PMS1: variants seen among roughly 807,000 people sequenced by gnomAD.
PMS1 encodes the protein PMS1 protein homolog 1.
In PMS1, 79 loss-of-function variants were observed where a neutral mutation model predicts 93.1. The observed-to-expected ratio is 0.85, with a 90% confidence interval of 0.71 to 1.02. PMS1 has a LOEUF of 1.02. Ranked by LOEUF, PMS1 falls within the 50% of genes least tolerant of loss-of-function variation. The pLI is 0.00. For missense variants in PMS1, 1,064 were observed against 1,085.3 expected (o/e 0.98, Z 0.28); for synonymous variants, 335 against 363.4 (o/e 0.92, Z 0.89).
intron 4 of PMS1, among the ~76,000 whole-genome samples, chr2:189,810,947 C>T (rs1376782375): frequency 6.7e-6 from 1 of 148,680 alleles, no homozygotes; most frequent in African/African-American, 2.5e-5. Flanking sequence ...TGTAAATAAA[C>T]TCATCAATAA....
Position 189,854,532 on chromosome 2 carries a change from T to A in PMS1, c.1260T>A (p.His420Gln). 6.2e-7 allele frequency: 1 copy of A among 1,613,618 alleles called. No homozygotes were observed. The highest frequency in any genetic ancestry group is 8.5e-7 in the Non-Finnish European group (1 of 1,179,714). The part of the protein sequence containing the change: ...QISIGDFGYG[H>Q]CSSEISNIDK... ...GTATTGGTGACTTTGGTTATGGTCATTGTAGTAGTGAAATTTCTAACATTG... is the reference window on the plus strand; with the variant it reads ...GTATTGGTGACTTTGGTTATGGTCAATGTAGTAGTGAAATTTCTAACATTG... Residue 420 changes from histidine to glutamine, a missense_variant, in exon 9 of 13, where the codon CAT (histidine) becomes CAA (glutamine). Coordinates refer to ENST00000441310, the MANE Select transcript of PMS1 (RefSeq NM_000534.5).
At chr2:189,808,283 T>G (rs774138522) in intron 4 of PMS1, among the ~76,000 whole-genome samples, 1 of 152,122 alleles carries the variant, frequency 6.6e-6, no homozygotes, top group Non-Finnish European at 1.5e-5. Flanking sequence ...ATAATTTTAT[T>G]TAGGCATTGG....
chr2:189,864,380 G>A (rs150179885), intron 10 of PMS1, 152 bp downstream of exon 10: 24,809 of 657,798 alleles, frequency 0.038, 638 homozygotes, highest in Non-Finnish European at 0.049. Context: ...TTTCTAGGCC[G>A]GGCGCAGTGG....
At chr2:189,825,627 T>G (rs557930965) in intron 5 of PMS1, among the ~76,000 whole-genome samples, 63 of 152,320 alleles carry the variant, frequency 4.1e-4, no homozygotes, top group Non-Finnish European at 8.1e-4. Context: ...TCCAAAAATA[T>G]TATTTGTGGT....
At chr2:189,790,975 G>C (rs2048811162) in intron 1 of PMS1, among the ~76,000 whole-genome samples, 1 of 152,114 alleles carries the variant, frequency 6.6e-6, no homozygotes. Context: ...TGGAAATACA[G>C]AGTTCGAGTT....
chr2:189,830,563 C>A (rs1259094411), intron 5 of PMS1, among the ~76,000 whole-genome samples: 1 of 152,070 alleles, frequency 6.6e-6, no homozygotes, highest in Non-Finnish European at 1.5e-5. Flanking sequence ...TTTTATTTGT[C>A]TTGATTTATT....
intron 4 of PMS1, among the ~76,000 whole-genome samples, chr2:189,815,587 G>A (rs2051228619): frequency 6.6e-6 from 1 of 152,280 alleles, no homozygotes; most frequent in East Asian, 1.9e-4. Context: ...CTTCCGCCAT[G>A]AATGTGAATT....
At chr2:189,870,318 TGA>T (rs1300449289) in intron 11 of PMS1, among the ~76,000 whole-genome samples, 2 of 152,206 alleles carry the variant, frequency 1.3e-5, no homozygotes, top group Admixed American at 6.5e-5. Flanking sequence ...CATCTGGCTT[TGA>T]GAGAGAAGAT....
chr2:189,795,858 C>T lies in PMS1; in HGVS notation c.222C>T (p.Tyr74=), dbSNP rs751153318. The stretch of plus-strand genomic sequence containing the variant: ...CACCTGTAATGGCAATGAAGTACTA[C>T]ACCTCAAAAATAAATAGTCATGAAG... ...VDAPVMAMKY[Y]TSKINSHEDL... is the part of the protein sequence containing the mutation. Residue 74 remains tyrosine (Y), a synonymous_variant, in exon 3 of 13, where the codon TAC becomes TAT. Transcript: ENST00000441310. The T allele has an allele frequency of 1.3e-5, 21 of 1,612,408 alleles. No individual in the cohort carries two copies. In the South Asian group the frequency reaches 2.1e-4, roughly 16 times the overall value.
In PMS1 at chr2:189,854,310, T is replaced by C. The variant is rs780499163; in HGVS notation, c.1038T>C (p.Tyr346=). 5 of 1,593,458 alleles carry C rather than the reference T, an allele frequency of 3.1e-6. No homozygotes were observed. In the Admixed American group the frequency reaches 7.1e-5, roughly 23 times the overall value. The change falls in exon 9 of 13, where the codon TAT becomes TAC. Residue 346 remains tyrosine, a synonymous_variant. Transcript: ENST00000441310. ...CYGPLPSTNS[Y]ENNKTDVSAA... ...GACCATTACCTAGTACAAATTCTTATGAAAATAATAAAACAGATGTTTCCG... is the reference window on the plus strand; with the variant it reads ...GACCATTACCTAGTACAAATTCTTACGAAAATAATAAAACAGATGTTTCCG...
chr2:189,787,883 G>T (rs995975100), intron 1 of PMS1, among the ~76,000 whole-genome samples: 10 of 152,150 alleles, frequency 6.6e-5, no homozygotes, highest in Non-Finnish European at 1.3e-4. Flanking sequence ...TAGCAATTAG[G>T]AGAGAAGAAA....
At chr2:189,869,039 G>GTAATCTCCCTAATATCC (rs1372607624) in intron 11 of PMS1, among the ~76,000 whole-genome samples, 1 of 152,180 alleles carries the variant, frequency 6.6e-6, no homozygotes, top group Non-Finnish European at 1.5e-5. Flanking sequence ...TCCTTGTAAA[G>GTAATCTCCCTAATATCC]TAGGTTCTAT....
At chr2:189,865,893 A>G (rs1379935249) in intron 10 of PMS1, among the ~76,000 whole-genome samples, 4 of 152,222 alleles carry the variant, frequency 2.6e-5, no homozygotes, top group African/African-American at 9.6e-5. Context: ...ATAAAGCAGA[A>G]ATCATTTATA....
chr2:189,815,875 T>G (rs2051253077), intron 4 of PMS1, among the ~76,000 whole-genome samples: 1 of 152,170 alleles, frequency 6.6e-6, no homozygotes, highest in Admixed American at 6.5e-5. Flanking sequence ...CACACCACAT[T>G]TATTTTCTCA....
In PMS1 at chr2:189,818,196, T is replaced by A; in HGVS notation, c.582+16T>A. The A allele has an allele frequency of 1.3e-6, 2 of 1,501,956 alleles. No homozygotes were observed. 93.0% of individuals were successfully genotyped at this position (1,501,956 alleles called of 1,614,324 possible). On this transcript the variant is annotated intron_variant, in intron 5 of 12. Coordinates refer to ENST00000441310, the MANE Select transcript of PMS1 (RefSeq NM_000534.5). Reference sequence around the variant, plus strand: ...ACATAACAAGGTAAACATTATTTTATCTTTATAAGTTTCTGGGTATATGAT... The same window carrying A: ...ACATAACAAGGTAAACATTATTTTAACTTTATAAGTTTCTGGGTATATGAT...
chr2:189,874,334 A>T (rs1298278389), intron 12 of PMS1, among the ~76,000 whole-genome samples: 11 of 152,236 alleles, frequency 7.2e-5, no homozygotes, highest in Admixed American at 6.5e-5. Flanking sequence ...GTATTGTAAT[A>T]TAATTCTAAG....
chr2:189,815,957 G>A (rs1044040463), intron 4 of PMS1, among the ~76,000 whole-genome samples: 1 of 152,170 alleles, frequency 6.6e-6, no homozygotes, highest in African/African-American at 2.4e-5. Flanking sequence ...GGGCTTGAGT[G>A]CAGTGGCACA....
chr2:189,812,007 A>G lies in PMS1; in HGVS notation c.419-6010A>G, dbSNP rs569382415. On this transcript the variant is annotated intron_variant, in intron 4 of 12. Transcript: ENST00000441310. ...GGAATGACATCTTTTAAGTTTTTAAATTTAAAATTACAGGCGGGTGCGGTG... is the reference window on the plus strand; with the variant it reads ...GGAATGACATCTTTTAAGTTTTTAAGTTTAAAATTACAGGCGGGTGCGGTG... Among the ~76,000 whole-genome samples the G allele has an allele frequency of 7.2e-5, 11 of 152,328 alleles. No individual in the cohort carries two copies. The South Asian group carries it at 1.7e-3, about 23-fold the overall frequency.
chr2:189,798,778 T>A (rs1255614051), intron 3 of PMS1, among the ~76,000 whole-genome samples: 2 of 142,264 alleles, frequency 1.4e-5, no homozygotes, highest in East Asian at 2.0e-4. Flanking sequence ...TTTTTTTTTT[T>A]AGCTGTTGTT....
Sources: allele counts gnomAD v4.1 joint callset (sites outside exome capture counted in the v4.1 genomes callset), GRCh38; gene constraint gnomAD v4.1.1; transcripts MANE v1.5; gene names NCBI Gene and HGNC (gene_info 2026-07-23, HGNC 2026-07-21).